The following GRIP1 variants were observed in gnomAD, a reference collection of about 807,000 sequenced individuals.
GRIP1 encodes the protein glutamate receptor-interacting protein 1.
In GRIP1, 45 loss-of-function variants were observed where a neutral mutation model predicts 129.9. That is an observed-to-expected ratio of 0.35 (90% CI 0.27 to 0.44). GRIP1 has a LOEUF of 0.44. Among genes scored for constraint, GRIP1 ranks in the 20% least tolerant of loss-of-function variants. The probability of loss-of-function intolerance (pLI) is 1.00; values close to 1 mark genes in which losing one functional copy is unlikely to be tolerated. For synonymous variants in GRIP1, 530 were observed against 520.8 expected (o/e 1.02, Z -0.24); for missense variants, 1,196 against 1,396.8 (o/e 0.86, Z 2.29).
At position 66,353,482 on chromosome 12, in the gene GRIP1, T is replaced by C; in HGVS notation, c.3094A>G (p.Lys1032Glu). 1 of 1,613,076 alleles carries C rather than the reference T, an allele frequency of 6.2e-7. No individual in the cohort carries two copies. Among genetic ancestry groups the C allele is most frequent in the Non-Finnish European group, 8.5e-7 (1 of 1,179,046 alleles). The change falls in exon 24 of 25, where the codon AAA becomes GAA. Residue 1032 changes from lysine (K) to glutamate (E), a missense_variant. Physicochemically the swap from Lys to Glu is moderately conservative, Grantham distance 56 (BLOSUM62 1). Transcript: ENST00000359742. ...CCTGGCCCAGCTGGGCGAATATTTT[T>C]GACATACACTCCTTTCTCCAGTAAG... ...DGLLEKGVYVKNIRPAGPGDL... is the reference protein window; with the variant it reads ...DGLLEKGVYVENIRPAGPGDL...
chr12:66,618,616 A>G (rs375815868), intron 1 of GRIP1, among the ~76,000 whole-genome samples: 34 of 152,312 alleles, frequency 2.2e-4, no homozygotes, highest in African/African-American at 7.2e-4. Context: ...TACTGAATAT[A>G]CTTAAAATAT....
In GRIP1 at chr12:67,028,350, A is replaced by G. The variant is rs536821218; in HGVS notation, c.58+40700T>C. Among the ~76,000 whole-genome samples the G allele has an allele frequency of 3.9e-5, 6 of 152,360 alleles. No individual in the cohort carries two copies. In the South Asian group the frequency reaches 1.2e-3, roughly 32 times the overall value. ...TGCTTTTTAAAAACTGAACATTAAA[A>G]TTAAAGAACAGTGTTTGAATAGAAC... On this transcript the variant is annotated intron_variant, in intron 1 of 1. Coordinates refer to the GRIP1 transcript ENST00000643019.
intron 1 of GRIP1, among the ~76,000 whole-genome samples, chr12:66,920,163 AC>A (rs1325356884): frequency 4.6e-5 from 7 of 152,152 alleles, no homozygotes; most frequent in Admixed American, 4.6e-4. Context: ...GAAAAAAACT[AC>A]CCAAAAAATG....
chr12:66,836,729 T>C (rs934511003), intron 1 of GRIP1, among the ~76,000 whole-genome samples: 1 of 152,232 alleles, frequency 6.6e-6, no homozygotes, highest in Non-Finnish European at 1.5e-5. Flanking sequence ...CAGTACTTGG[T>C]GTCCTCCTTC....
intron 2 of GRIP1, among the ~76,000 whole-genome samples, chr12:66,586,936 T>A (rs1247870561): frequency 2.0e-5 from 3 of 152,128 alleles, no homozygotes; most frequent in African/African-American, 7.2e-5. Flanking sequence ...AGAAATTACA[T>A]CAATACATTA....
chr12:66,598,032 G>A (rs200893874), intron 1 of GRIP1, among the ~76,000 whole-genome samples: 3 of 130,332 alleles, frequency 2.3e-5, no homozygotes, highest in African/African-American at 2.6e-5. Context: ...AAGATGTATC[G>A]TTGTTGTTAC....
rs766292531 is a variant in GRIP1 at position 66,392,382 on chromosome 12, G to C, written c.2390C>G (p.Ser797Cys). The change falls in exon 19 of 25, where the codon TCC (serine) becomes TGC (cysteine). Residue 797 changes from serine (S) to cysteine (C), a missense_variant. By Grantham distance (112) the Ser-to-Cys change is moderately radical. Transcript: ENST00000359742. ...KPGKLSDMYP[S>C]TVPSVDSAVD... Reference sequence around the variant, plus strand: ...AGCACTGTCCACACTGGGCACCGTGGAGGGGTACATGTCGGAGAGCTTGCC... The same window carrying C: ...AGCACTGTCCACACTGGGCACCGTGCAGGGGTACATGTCGGAGAGCTTGCC... The C allele has an allele frequency of 1.2e-6, 2 of 1,613,728 alleles. No homozygotes were observed. The highest frequency in any genetic ancestry group is 1.7e-6 in the Non-Finnish European group (2 of 1,179,756).
chr12:66,922,306 A>C (rs1312001501), intron 1 of GRIP1, among the ~76,000 whole-genome samples: 1 of 152,214 alleles, frequency 6.6e-6, no homozygotes, highest in Non-Finnish European at 1.5e-5. Context: ...GTGAGGAGGT[A>C]GAGAGGAAGC....
chr12:66,371,961 C>T, intron 22 of GRIP1, 34 bp from the exon 23 acceptor site: 1 of 1,350,980 alleles, frequency 7.4e-7, no homozygotes, highest in African/African-American at 1.4e-5. Flanking sequence ...AACAATTAAG[C>T]CATGGACTAA....
At chr12:66,501,569 T>C (rs1352763019) in intron 7 of GRIP1, among the ~76,000 whole-genome samples, 2 of 152,160 alleles carry the variant, frequency 1.3e-5, no homozygotes, top group African/African-American at 4.8e-5. Context: ...TTGTGATCAA[T>C]AGAAGTGCTT....
intron 1 of GRIP1, among the ~76,000 whole-genome samples, chr12:66,899,056 C>T (rs1302024022): frequency 6.6e-6 from 1 of 152,136 alleles, no homozygotes; most frequent in African/African-American, 2.4e-5. Context: ...GGTGTTGTAT[C>T]CCTAGCGCTT....
intron 1 of GRIP1, among the ~76,000 whole-genome samples, chr12:67,021,680 A>C (rs770791339): frequency 2.6e-5 from 4 of 152,192 alleles, no homozygotes; most frequent in Non-Finnish European, 4.4e-5. Flanking sequence ...CCAAAGATAT[A>C]TAATAAACTA....
chr12:66,420,348 C>A (rs1050032209), intron 15 of GRIP1, among the ~76,000 whole-genome samples: 1 of 150,760 alleles, frequency 6.6e-6, no homozygotes, highest in Non-Finnish European at 1.5e-5. Flanking sequence ...ATTCTGGTAA[C>A]AGCAAAATTC....
rs1479480300 is a variant in GRIP1 at position 66,583,633 on chromosome 12, C to T, written c.136+13214G>A. Reference sequence around the variant, plus strand: ...GACACCTCTCAAAAGAAGACATTTACGCAGCCAAAAAACACATGAAAAAAT... The same window carrying T: ...GACACCTCTCAAAAGAAGACATTTATGCAGCCAAAAAACACATGAAAAAAT... On this transcript the variant is annotated intron_variant, in intron 2 of 24. Coordinates refer to ENST00000359742, the MANE Select transcript of GRIP1 (RefSeq NM_001366722.1). Among the ~76,000 whole-genome samples, 23 of 140,258 alleles carry T rather than the reference C, an allele frequency of 1.6e-4. 1 individual carries two copies. Among genetic ancestry groups the T allele is most frequent in the African/African-American group, 2.3e-4 (9 of 38,474 alleles). The allele number at this position is 140,258 out of a possible 152,430, so 92.0% of individuals were successfully genotyped here.
At chr12:66,489,298 C>T (rs1037525545) in intron 7 of GRIP1, among the ~76,000 whole-genome samples, 11 of 152,166 alleles carry the variant, frequency 7.2e-5, no homozygotes, top group Admixed American at 2.0e-4. Flanking sequence ...GGCTTCATCC[C>T]TGAGATGCAA....
chr12:66,915,410 A>G (rs2137331841), intron 1 of GRIP1, among the ~76,000 whole-genome samples: 1 of 152,266 alleles, frequency 6.6e-6, no homozygotes, highest in South Asian at 2.1e-4. Context: ...CCATCTGGAG[A>G]TGAGGGAGGG....
intron 1 of GRIP1, among the ~76,000 whole-genome samples, chr12:66,659,204 C>A (rs1291388872): frequency 1.3e-5 from 2 of 152,190 alleles, no homozygotes; most frequent in Non-Finnish European, 2.9e-5. Flanking sequence ...TTTCAAATAG[C>A]GCTTTCCCCC....
At chr12:66,778,249 AT>A (rs2136768470) in intron 1 of GRIP1, among the ~76,000 whole-genome samples, 1 of 152,188 alleles carries the variant, frequency 6.6e-6, no homozygotes, top group South Asian at 2.1e-4. Context: ...CAATAAAACG[AT>A]CTCTCCAAAA....
At chr12:66,580,069 C>T (rs2063313018) in intron 2 of GRIP1, among the ~76,000 whole-genome samples, 3 of 149,132 alleles carry the variant, frequency 2.0e-5, no homozygotes, top group South Asian at 4.3e-4. Context: ...TTGGCAGAAA[C>T]TCTACAAGCC....
Sources: gnomAD v4.1 joint callset for allele counts (sites outside exome capture counted in the v4.1 genomes callset) on GRCh38, gnomAD v4.1.1 for gene constraint, MANE v1.5 for transcripts, NCBI Gene and HGNC (gene_info 2026-07-23, HGNC 2026-07-21) for gene names.